The following DPP6 variants were observed in gnomAD, a reference collection of about 807,000 sequenced individuals.
DPP6 encodes the protein A-type potassium channel modulatory protein DPP6.
DPP6 carries 69 observed loss-of-function variants against 122.6 expected under a neutral mutation model. That is an observed-to-expected ratio of 0.56 (90% CI 0.46 to 0.69). The LOEUF (loss-of-function observed/expected upper bound fraction) is 0.69, where lower values mean the gene tolerates loss of function less well. Among genes scored for constraint, DPP6 ranks in the 30% least tolerant of loss-of-function variants. The pLI is 0.00. For missense variants in DPP6, 928 were observed against 1,116.9 expected (o/e 0.83, Z 2.41); for synonymous variants, 418 against 433.1 (o/e 0.97, Z 0.43).
rs79465437 is a variant in DPP6 at position 154,226,558 on chromosome 7, G to C, written c.243+173495G>C. On this transcript the variant is annotated intron_variant, in intron 1 of 25. Coordinates refer to ENST00000377770, the MANE Select transcript of DPP6 (RefSeq NM_130797.4). ...TAATAGAATTGAAGTGTCTTTCTTC[G>C]TACAGTATTGCAATCCATGTAGTAT... Among the ~76,000 whole-genome samples, 463 of 152,164 alleles carry C rather than the reference G, an allele frequency of 3.0e-3. 1 individual carries two copies. The highest frequency in any genetic ancestry group is 5.8e-3 in the Non-Finnish European group (392 of 68,016).
intron 17 of DPP6, among the ~76,000 whole-genome samples, chr7:154,854,737 A>C (rs1802685222): frequency 6.6e-6 from 1 of 152,062 alleles, no homozygotes; most frequent in South Asian, 2.1e-4. Context: ...GGGACCCCAC[A>C]CAGGTTGCCA....
chr7:154,786,039 C>T (rs1177796730), intron 10 of DPP6, among the ~76,000 whole-genome samples: 1 of 152,130 alleles, frequency 6.6e-6, no homozygotes, highest in Non-Finnish European at 1.5e-5. Flanking sequence ...ACACTAAGGC[C>T]ATCCTGGGAC....
At position 154,498,294 on chromosome 7, in the gene DPP6, T is replaced by C. The variant is rs1018083341; in HGVS notation, c.457+23257T>C. 3.9e-5 allele frequency among the ~76,000 whole-genome samples: 6 copies of C among 152,294 alleles called. No individual in the cohort carries two copies. In the South Asian group the frequency reaches 6.2e-4, roughly 16 times the overall value. On this transcript the variant is annotated intron_variant, in intron 3 of 25. Coordinates refer to ENST00000377770, the MANE Select transcript of DPP6 (RefSeq NM_130797.4). ...TTGGGTTAACCAAATACGCAATGAA[T>C]TTTCCTCACATACAAGCAATCAGAG...
At chr7:154,764,236 G>A (rs552218993) in intron 8 of DPP6, among the ~76,000 whole-genome samples, 2 of 152,082 alleles carry the variant, frequency 1.3e-5, no homozygotes, top group African/African-American at 2.4e-5. Context: ...GACCACTCTC[G>A]CTCGGTGGAT....
upstream of DPP6, among the ~76,000 whole-genome samples, chr7:153,885,066 G>T (rs1798859883): frequency 2.1e-5 from 3 of 143,946 alleles, 1 homozygote; most frequent in South Asian, 6.8e-4. Context: ...GTGGTGATGG[G>T]ATGGGAAAAG....
intron 17 of DPP6, 70 bp from the exon 18 acceptor site, chr7:154,867,925 G>C: frequency 6.7e-7 from 1 of 1,487,984 alleles, no homozygotes; most frequent in Non-Finnish European, 8.9e-7. Flanking sequence ...CACATGAAAA[G>C]CCATGGCCCG....
intron 10 of DPP6, among the ~76,000 whole-genome samples, chr7:154,778,524 C>CA (rs1194641479): frequency 1.3e-5 from 2 of 151,824 alleles, no homozygotes; most frequent in Non-Finnish European, 2.9e-5. Context: ...CAGCACAGAA[C>CA]AATAGAGTTC....
chr7:154,528,689 A>G (rs970263037), intron 3 of DPP6, among the ~76,000 whole-genome samples: 4 of 152,244 alleles, frequency 2.6e-5, no homozygotes, highest in African/African-American at 9.6e-5. Context: ...ATTACAAACA[A>G]ATAACTCTAT....
At chr7:153,994,394 C>T in intron 1 of DPP6, among the ~76,000 whole-genome samples, 1 of 151,638 alleles carries the variant, frequency 6.6e-6, no homozygotes, top group Admixed American at 6.6e-5. Flanking sequence ...TTTAAAGTTA[C>T]CCAAGGGCTA....
intron 1 of DPP6, among the ~76,000 whole-genome samples, chr7:154,409,663 A>G (rs1348790302): frequency 1.3e-5 from 2 of 152,158 alleles, no homozygotes; most frequent in Admixed American, 6.5e-5. Flanking sequence ...TTCTGATACT[A>G]CAAGATGTTC....
At chr7:154,206,472 G>A (rs117385485) in intron 1 of DPP6, among the ~76,000 whole-genome samples, 1 of 152,114 alleles carries the variant, frequency 6.6e-6, no homozygotes, top group South Asian at 2.1e-4. Context: ...TTGCTCATCG[G>A]GGGTCATAAC....
At chr7:154,135,197 G>C (rs1321975594) in intron 1 of DPP6, among the ~76,000 whole-genome samples, 1 of 151,060 alleles carries the variant, frequency 6.6e-6, no homozygotes, top group Non-Finnish European at 1.5e-5. Flanking sequence ...CTTCCTGTAA[G>C]CCTACACTTC....
chr7:154,441,414 C>T (rs1315917328), intron 1 of DPP6, among the ~76,000 whole-genome samples: 1 of 152,134 alleles, frequency 6.6e-6, no homozygotes, highest in Non-Finnish European at 1.5e-5. Context: ...AGTGTGCTTT[C>T]AAATACATTT....
At chr7:154,773,849 G>A (rs989062414) in intron 10 of DPP6, among the ~76,000 whole-genome samples, 2 of 152,110 alleles carry the variant, frequency 1.3e-5, no homozygotes, top group African/African-American at 4.8e-5. Context: ...GTCTAGCTCG[G>A]GGATGGATGC....
the DPP6 span, among the ~76,000 whole-genome samples, chr7:153,863,653 G>A: frequency 7.9e-5 from 12 of 152,120 alleles, no homozygotes; most frequent in African/African-American, 2.7e-4. Context: ...TACACCCATC[G>A]ACTGAATTTA....
At chr7:154,203,190 T>C (rs1302261634) in intron 1 of DPP6, among the ~76,000 whole-genome samples, 1 of 152,168 alleles carries the variant, frequency 6.6e-6, no homozygotes, top group African/African-American at 2.4e-5. Flanking sequence ...GCCCGGCATA[T>C]AATGTTTGCA....
chr7:154,631,847 G>A (rs1019986287), intron 5 of DPP6, among the ~76,000 whole-genome samples: 11 of 152,318 alleles, frequency 7.2e-5, no homozygotes, highest in Middle Eastern at 3.4e-3. Context: ...AGTTGTTAAA[G>A]TTCAACAAGA....
chr7:153,783,312 C>A, the DPP6 span, among the ~76,000 whole-genome samples: 1 of 152,192 alleles, frequency 6.6e-6, no homozygotes, highest in Non-Finnish European at 1.5e-5. Flanking sequence ...GACACCTCTT[C>A]CCTGGGCAGC....
chr7:154,475,009 T>A lies in DPP6; in HGVS notation c.429T>A (p.Ile143=), dbSNP rs757639294. ...ATCTCTTCAGTGAAGACTTCAAAATTCATGACCCCGAGGCTAAGTGGATAA... is the reference window on the plus strand; with the variant it reads ...ATCTCTTCAGTGAAGACTTCAAAATACATGACCCCGAGGCTAAGTGGATAA... The part of the protein sequence containing the change: ...VEDLFSEDFK[I]HDPEAKWISD... The change falls in exon 3 of 26, where the codon ATT becomes ATA. Residue 143 remains isoleucine (I), a synonymous_variant. Transcript: ENST00000377770. 1 of 1,613,782 alleles carries A rather than the reference T, an allele frequency of 6.2e-7. No homozygotes were observed. Among genetic ancestry groups the A allele is most frequent in the East Asian group, 2.2e-5 (1 of 44,872 alleles).
Sources: allele counts gnomAD v4.1 joint callset (sites outside exome capture counted in the v4.1 genomes callset), GRCh38; gene constraint gnomAD v4.1.1; transcripts MANE v1.5; gene names NCBI Gene and HGNC (gene_info 2026-07-23, HGNC 2026-07-21).